PACS1: variants seen among roughly 807,000 people sequenced by gnomAD.
The protein encoded by PACS1 is phosphofurin acidic cluster sorting protein 1.
Under a neutral mutation model 115.0 loss-of-function variants are expected in PACS1, and 24 were observed. That is an observed-to-expected ratio of 0.21 (90% CI 0.15 to 0.29). The LOEUF is 0.29. Among genes scored for constraint, PACS1 ranks in the 10% least tolerant of loss-of-function variants. The pLI, the probability that PACS1 is intolerant of heterozygous loss-of-function variation, is 1.00. For synonymous variants in PACS1, 453 were observed against 504.5 expected (o/e 0.90, Z 1.37); for missense variants, 838 against 1,251.2 (o/e 0.67, Z 4.98).
chr11:66,197,571 A>T (rs964253166), intron 2 of PACS1, among the ~76,000 whole-genome samples: 3 of 152,120 alleles, frequency 2.0e-5, no homozygotes, highest in Admixed American at 1.3e-4. Flanking sequence ...AGGTGAGAGG[A>T]TTGTTCAAGC....
chr11:66,194,213 C>T (rs1854597768), intron 2 of PACS1, among the ~76,000 whole-genome samples: 1 of 152,178 alleles, frequency 6.6e-6, no homozygotes, highest in African/African-American at 2.4e-5. Context: ...ATCCGCTTGC[C>T]TCAGCCTCCC....
intron 1 of PACS1, among the ~76,000 whole-genome samples, chr11:66,171,211 A>G (rs868526504): frequency 1.3e-5 from 2 of 150,404 alleles, no homozygotes; most frequent in African/African-American, 2.5e-5. Context: ...ATATAGGTCT[A>G]GAATTTTCTT....
intron 1 of PACS1, among the ~76,000 whole-genome samples, chr11:66,108,140 CAAACATTTTCTCACAGTTCTGGAG>C (rs1184720797): frequency 6.6e-6 from 1 of 152,126 alleles, no homozygotes; most frequent in African/African-American, 2.4e-5. Context: ...GCTTAAAAAG[CAAACATTTTCTCACAGTTCTGGAG>C]ACTGGAAGTC....
At chr11:66,180,588 C>T (rs1261643175) in intron 1 of PACS1, among the ~76,000 whole-genome samples, 1 of 152,000 alleles carries the variant, frequency 6.6e-6, no homozygotes, top group Non-Finnish European at 1.5e-5. Flanking sequence ...CTCCTGACCT[C>T]ATGATCCGCC....
intron 4 of PACS1, among the ~76,000 whole-genome samples, chr11:66,213,613 GCT>G (rs1215189510): frequency 6.6e-6 from 1 of 152,240 alleles, no homozygotes; most frequent in Non-Finnish European, 1.5e-5. Context: ...ACACGTCACA[GCT>G]CCTTTCAGGT....
chr11:66,205,148 C>G (rs1854905933), intron 2 of PACS1, among the ~76,000 whole-genome samples: 1 of 152,004 alleles, frequency 6.6e-6, no homozygotes, highest in Admixed American at 6.6e-5. Flanking sequence ...TCATGCCCAG[C>G]TAAATTTTGT....
intron 1 of PACS1, among the ~76,000 whole-genome samples, chr11:66,130,091 G>A (rs1448179936): frequency 6.6e-6 from 1 of 152,134 alleles, no homozygotes; most frequent in African/African-American, 2.4e-5. Context: ...CCCCGAGTTG[G>A]GTTTTGGGTG....
chr11:66,210,664 C>T lies in PACS1; in HGVS notation c.534+213C>T, dbSNP rs112398723. Among the ~76,000 whole-genome samples the T allele has an allele frequency of 4.6e-5, 7 of 152,282 alleles. No homozygotes were observed. The South Asian group carries it at 1.0e-3, about 23-fold the overall frequency. On this transcript the variant is annotated intron_variant, in intron 3 of 23. Coordinates refer to ENST00000320580, the MANE Select transcript of PACS1 (RefSeq NM_018026.4). ...AGGGTGTGGAGACCTGGGTAGGCAC[C>T]GTGGCCCCTTCCCTTCCTCTGCCTT... is the stretch of plus-strand genomic sequence containing the variant.
chr11:66,219,271 C>T (rs984856413), intron 7 of PACS1, among the ~76,000 whole-genome samples: 30 of 151,670 alleles, frequency 2.0e-4, no homozygotes, highest in African/African-American at 5.3e-4. Flanking sequence ...GCGGGGAGAA[C>T]GAGAAGGAGA....
At chr11:66,180,989 T>C (rs1297065094) in intron 1 of PACS1, among the ~76,000 whole-genome samples, 1 of 152,150 alleles carries the variant, frequency 6.6e-6, no homozygotes, top group African/African-American at 2.4e-5. Flanking sequence ...TATTTCTAAT[T>C]ACTTCAGCCA....
At chr11:66,158,944 T>C (rs561858348) in intron 1 of PACS1, among the ~76,000 whole-genome samples, 1 of 152,288 alleles carries the variant, frequency 6.6e-6, no homozygotes, top group East Asian at 1.9e-4. Context: ...TTTGTGACAC[T>C]GATGACAAAT....
intron 2 of PACS1, among the ~76,000 whole-genome samples, 169 bp from the exon 3 acceptor site, chr11:66,210,193 C>A (rs1232972703): frequency 6.6e-6 from 1 of 151,812 alleles, no homozygotes; most frequent in Non-Finnish European, 1.5e-5. Flanking sequence ...CCACCACACC[C>A]AGCCAATTTT....
chr11:66,071,114 C>T (rs1857302343), intron 1 of PACS1, among the ~76,000 whole-genome samples: 1 of 152,196 alleles, frequency 6.6e-6, no homozygotes, highest in South Asian at 2.1e-4. Flanking sequence ...ATTGGGCTGA[C>T]CGAATCCGGC....
chr11:66,174,011 C>T (rs1300628932), intron 1 of PACS1, among the ~76,000 whole-genome samples: 1 of 151,664 alleles, frequency 6.6e-6, no homozygotes, highest in Non-Finnish European at 1.5e-5. Context: ...GAGATCGTGC[C>T]ATTGCACTCC....
chr11:66,177,402 G>C (rs1284046413), intron 1 of PACS1, among the ~76,000 whole-genome samples: 3 of 152,094 alleles, frequency 2.0e-5, no homozygotes, highest in East Asian at 3.9e-4. Flanking sequence ...TGTCGGTCAA[G>C]CTGGTCTCGA....
In PACS1 at chr11:66,070,534, C is replaced by T. The variant is rs1590722991; in HGVS notation, c.48C>T (p.Gly16=). Residue 16 remains glycine (G), a synonymous_variant, in exon 1 of 24, where the codon GGC becomes GGT. Coordinates refer to ENST00000320580, the MANE Select transcript of PACS1 (RefSeq NM_018026.4). This position sits in a 1 kb window ranked among gnomAD's most constrained non-coding sequence, Gnocchi z 5.9. ...GCGGTGGTCCCGGAGGCGCCGGGGG[C>T]GGCAGCGGCCAGCGGGGATCCGGGG... is the stretch of plus-strand genomic sequence containing the variant. ...GAGGGPGGAG[G]GSGQRGSGVA... is the part of the protein sequence containing the mutation. The T allele has an allele frequency of 8.2e-6, 11 of 1,333,594 alleles. No homozygotes were observed. Among genetic ancestry groups the T allele is most frequent in the Non-Finnish European group, 1.0e-5 (11 of 1,051,462 alleles). 82.6% of individuals were successfully genotyped at this position (1,333,594 alleles called of 1,614,324 possible).
At chr11:66,113,277 C>A (rs757998195) in intron 1 of PACS1, among the ~76,000 whole-genome samples, 3 of 152,178 alleles carry the variant, frequency 2.0e-5, no homozygotes, top group Non-Finnish European at 4.4e-5. Flanking sequence ...GGGCAGATGA[C>A]TTTTCTTTTA....
chr11:66,167,313 G>C (rs1231161438), intron 1 of PACS1, among the ~76,000 whole-genome samples: 1 of 147,038 alleles, frequency 6.8e-6, no homozygotes, highest in Non-Finnish European at 1.5e-5. Context: ...GTCTTCTCTG[G>C]GTTCATGGCT....
At chr11:66,080,169 A>G (rs956264163) in intron 1 of PACS1, among the ~76,000 whole-genome samples, 1 of 152,248 alleles carries the variant, frequency 6.6e-6, no homozygotes. Flanking sequence ...AGTGTTTTAT[A>G]ATGTTTATTG....
Sources: gnomAD v4.1 joint callset for allele counts (sites outside exome capture counted in the v4.1 genomes callset) on GRCh38, gnomAD v4.1.1 for gene constraint, Gnocchi (gnomAD v3.1) non-coding constraint, MANE v1.5 for transcripts, NCBI Gene and HGNC (gene_info 2026-07-23, HGNC 2026-07-21) for gene names.